The following TPH2 variants were observed in gnomAD, a reference collection of about 807,000 sequenced individuals.
TPH2 encodes tryptophan 5-hydroxylase 2.
Under a neutral mutation model 59.1 loss-of-function variants are expected in TPH2, and 27 were observed. The observed-to-expected ratio is 0.46, with a 90% CI of 0.34 to 0.63. The LOEUF (loss-of-function observed/expected upper bound fraction) is 0.63, where lower values mean the gene tolerates loss of function less well. Ranked by LOEUF, TPH2 falls within the 30% of genes least tolerant of loss-of-function variation. The probability of loss-of-function intolerance (pLI) is 0.01; values close to 1 mark genes in which losing one functional copy is unlikely to be tolerated. For missense variants in TPH2, 523 were observed against 588.3 expected (o/e 0.89, Z 1.15); for synonymous variants, 220 against 210.5 (o/e 1.05, Z -0.39).
At chr12:71,954,983 TACTCCTGGTTGAAAG>T (rs1433775446) in intron 5 of TPH2, among the ~76,000 whole-genome samples, 9 of 152,172 alleles carry the variant, frequency 5.9e-5, no homozygotes, top group Non-Finnish European at 1.2e-4. Flanking sequence ...TGAATGTACC[TACTCCTGGTTGAAAG>T]TAAGGTAGCC....
Position 72,031,941 on chromosome 12 carries a change from T to G in TPH2, c.*246T>G. On this transcript the variant is annotated 3_prime_UTR_variant, in exon 11 of 11. Transcript: ENST00000333850. ...TAAACATCTTAAAAAGATTTGACAT[T>G]CCTGCTTAGTGTCCTTAACCAAACT... 2.0e-6 allele frequency: 1 copy of G among 510,220 alleles called. No individual in the cohort carries two copies. The highest frequency in any genetic ancestry group is 3.5e-6 in the Non-Finnish European group (1 of 282,298). The allele number at this position is 510,220 out of a possible 1,614,324, so 31.6% of individuals were successfully genotyped here.
intron 7 of TPH2, among the ~76,000 whole-genome samples, chr12:71,980,829 T>A (rs996552010): frequency 6.6e-6 from 1 of 152,182 alleles, no homozygotes; most frequent in African/African-American, 2.4e-5. Flanking sequence ...TGTGTTACAT[T>A]TTTACCAAAG....
intron 8 of TPH2, among the ~76,000 whole-genome samples, chr12:72,013,447 T>G (rs1230243759): frequency 6.6e-6 from 1 of 152,182 alleles, no homozygotes; most frequent in Non-Finnish European, 1.5e-5. Flanking sequence ...CCTTTTGGGT[T>G]CCCTGAAATC....
intron 7 of TPH2, among the ~76,000 whole-genome samples, chr12:71,979,704 G>A (rs1872219397): frequency 6.6e-6 from 1 of 152,208 alleles, no homozygotes; most frequent in Non-Finnish European, 1.5e-5. Flanking sequence ...AAGCTAAGAG[G>A]TGATGCTATA....
At chr12:71,940,942 A>T (rs1186350378) in intron 1 of TPH2, among the ~76,000 whole-genome samples, 2 of 152,054 alleles carry the variant, frequency 1.3e-5, no homozygotes, top group Non-Finnish European at 2.9e-5. Flanking sequence ...ACTGAATTTT[A>T]ATAGTCACTT....
intron 8 of TPH2, among the ~76,000 whole-genome samples, chr12:72,011,942 T>A (rs1873108772): frequency 6.6e-6 from 1 of 152,106 alleles, no homozygotes; most frequent in Non-Finnish European, 1.5e-5. Context: ...AACCTATAAG[T>A]GAAAACCACT....
intron 7 of TPH2, among the ~76,000 whole-genome samples, chr12:71,985,023 T>G (rs186433324): frequency 1.5e-3 from 222 of 152,332 alleles, no homozygotes; most frequent in Non-Finnish European, 2.8e-3. Context: ...ACATGTCTAC[T>G]ATATATCAAC....
chr12:71,950,089 T>C (rs74104731), intron 5 of TPH2, among the ~76,000 whole-genome samples: 3,277 of 152,296 alleles, frequency 0.022, 104 homozygotes, highest in African/African-American at 0.069. Context: ...CATGTGTTTG[T>C]TTTACATGGA....
intron 5 of TPH2, among the ~76,000 whole-genome samples, chr12:71,952,870 A>G (rs1336067905): frequency 6.6e-6 from 1 of 152,210 alleles, no homozygotes; most frequent in Admixed American, 6.5e-5. Context: ...ACACATGACC[A>G]ATGATTATAA....
intron 5 of TPH2, chr12:71,961,564 T>C (rs911598422): frequency 1.5e-6 from 2 of 1,352,024 alleles, no homozygotes; most frequent in African/African-American, 3.0e-5. Flanking sequence ...GGCCCAAGAC[T>C]GTTAGCTGCT....
chr12:72,028,762 A>G (rs1419825917), intron 9 of TPH2, among the ~76,000 whole-genome samples: 2 of 152,178 alleles, frequency 1.3e-5, no homozygotes, highest in African/African-American at 2.4e-5. Context: ...TAACCAGCAT[A>G]TCACACGCAT....
At chr12:71,981,657 C>A (rs1349311495) in intron 7 of TPH2, among the ~76,000 whole-genome samples, 1 of 151,878 alleles carries the variant, frequency 6.6e-6, no homozygotes, top group African/African-American at 2.4e-5. Context: ...GTTTGGGAAG[C>A]TGAGTGGAAA....
At chr12:72,005,184 G>A (rs867084463) in intron 8 of TPH2, among the ~76,000 whole-genome samples, 27 of 152,248 alleles carry the variant, frequency 1.8e-4, no homozygotes, top group African/African-American at 6.3e-4. Context: ...AATGCTGTTA[G>A]GTTTGGGAGG....
intron 5 of TPH2, chr12:71,964,689 TG>T: frequency 1.0e-6 from 1 of 985,364 alleles, no homozygotes; most frequent in South Asian, 4.7e-5. Context: ...AATTACTGAT[TG>T]AAATTTCTAC....
chr12:71,938,993 C>A lies in TPH2; in HGVS notation c.7C>A (p.Pro3Thr), dbSNP rs935519284. ...GAATATTACACCGGGATCCATGCAG[C>A]CAGCAATGATGATGTTTTCCAGTAA... MQ[P>T]AMMMFSSKYW... is the part of the protein sequence containing the mutation. The change falls in exon 1 of 11, where the codon CCA (proline) becomes ACA (threonine). Residue 3 changes from proline (P) to threonine (T), a missense_variant. Transcript: ENST00000333850. 6.2e-7 allele frequency: 1 copy of A among 1,613,788 alleles called. No homozygotes were observed. The highest frequency in any genetic ancestry group is 8.5e-7 in the Non-Finnish European group (1 of 1,179,752).
intron 8 of TPH2, among the ~76,000 whole-genome samples, chr12:72,012,544 T>C (rs1210666639): frequency 6.6e-6 from 1 of 152,162 alleles, no homozygotes; most frequent in Non-Finnish European, 1.5e-5. Context: ...GGCTAGACCA[T>C]GGAGGGCCTT....
At chr12:71,946,818 C>G (rs1199125070) in intron 4 of TPH2, among the ~76,000 whole-genome samples, 1 of 152,094 alleles carries the variant, frequency 6.6e-6, no homozygotes, top group African/African-American at 2.4e-5. Context: ...ATATCTAGGT[C>G]AGTGCCTCTC....
chr12:72,031,319 A>T lies in TPH2; in HGVS notation c.1226A>T (p.Glu409Val). 1 of 1,613,712 alleles carries T rather than the reference A, an allele frequency of 6.2e-7. No homozygotes were observed. Among genetic ancestry groups the T allele is most frequent in the Non-Finnish European group, 8.5e-7 (1 of 1,179,652 alleles). Residue 409 changes from glutamate to valine, a missense_variant, in exon 10 of 11, where the codon GAA becomes GTA. Glu to Val is a moderately radical substitution (Grantham distance 121). Coordinates refer to ENST00000333850, the MANE Select transcript of TPH2 (RefSeq NM_173353.4). ...AFDPKTTCLQ[E>V]CLITTFQEAY... ...GACCCAAAGACAACTTGCTTACAGGAATGCCTTATCACCACCTTCCAGGAA... is the reference window on the plus strand; with the variant it reads ...GACCCAAAGACAACTTGCTTACAGGTATGCCTTATCACCACCTTCCAGGAA...
At position 71,994,497 on chromosome 12, in the gene TPH2, C is replaced by G. The variant is rs946786142; in HGVS notation, c.1000C>G (p.Gln334Glu). 2.0e-5 allele frequency: 33 copies of G among 1,613,892 alleles called. No individual in the cohort carries two copies. Among genetic ancestry groups the G allele is most frequent in the Non-Finnish European group, 2.5e-5 (29 of 1,179,926 alleles). Residue 334 changes from glutamine (Q) to glutamate (E), a missense_variant, in exon 8 of 11, where the codon CAG (glutamine) becomes GAG (glutamate). Gln to Glu is a conservative substitution (Grantham distance 29). Transcript: ENST00000333850. ...VPLLADPKFA[Q>E]FSQEIGLASL... ...ACTACTTGCGGATCCTAAGTTTGCT[C>G]AGTTTTCACAAGAAATAGGTCTGGC...
Sources: allele counts gnomAD v4.1 joint callset (sites outside exome capture counted in the v4.1 genomes callset), GRCh38; gene constraint gnomAD v4.1.1; transcripts MANE v1.5; gene names NCBI Gene and HGNC (gene_info 2026-07-23, HGNC 2026-07-21).